RYR2: variants seen among roughly 807,000 people sequenced by gnomAD.
RYR2 encodes the protein ryanodine receptor 2, also known as cardiac muscle ryanodine receptor-calcium release channel.
Under a neutral mutation model 601.1 loss-of-function variants are expected in RYR2, and 227 were observed. The observed-to-expected ratio is 0.38, with a 90% confidence interval of 0.34 to 0.42. The LOEUF (loss-of-function observed/expected upper bound fraction) is 0.42, where lower values mean the gene tolerates loss of function less well. Ranked by LOEUF, RYR2 falls within the 10% of genes least tolerant of loss-of-function variation. The pLI is 1.00. For missense variants in RYR2, 4,646 were observed against 6,156.5 expected (o/e 0.75, Z 8.21); for synonymous variants, 2,223 against 2,175.1 (o/e 1.02, Z -0.61).
At chr1:237,066,734 C>T (rs527530604) in intron 1 of RYR2, among the ~76,000 whole-genome samples, 4 of 151,946 alleles carry the variant, frequency 2.6e-5, no homozygotes, top group Non-Finnish European at 4.4e-5. Context: ...CTCCACCTCC[C>T]GGGTTCATGC....
At chr1:237,043,447 C>T (rs1183873634) in intron 1 of RYR2, among the ~76,000 whole-genome samples, 2 of 152,174 alleles carry the variant, frequency 1.3e-5, no homozygotes, top group Admixed American at 1.3e-4. Flanking sequence ...CACACTAATA[C>T]AATTCTTTCT....
chr1:237,623,534 C>A (rs1679321837), intron 38 of RYR2, among the ~76,000 whole-genome samples: 1 of 151,678 alleles, frequency 6.6e-6, no homozygotes. Context: ...GCTGGGACTA[C>A]AGGCATGCAC....
At chr1:237,477,114 C>T (rs1349370346) in intron 17 of RYR2, among the ~76,000 whole-genome samples, 9 of 152,100 alleles carry the variant, frequency 5.9e-5, no homozygotes, top group African/African-American at 1.2e-4. Context: ...CAAAATCAGC[C>T]GGGTGTGGTG....
chr1:237,372,092 C>A (rs1339930981), intron 6 of RYR2, among the ~76,000 whole-genome samples: 1 of 152,094 alleles, frequency 6.6e-6, no homozygotes, highest in African/African-American at 2.4e-5. Flanking sequence ...CCAACAAGGG[C>A]ACACAAATTT....
chr1:237,827,212 T>C (rs1442485336), intron 101 of RYR2, among the ~76,000 whole-genome samples: 1 of 152,182 alleles, frequency 6.6e-6, no homozygotes, highest in Non-Finnish European at 1.5e-5. Context: ...GGCAAAGTTA[T>C]AACTTCGAAG....
intron 1 of RYR2, among the ~76,000 whole-genome samples, chr1:237,264,684 T>A (rs111950100): frequency 0.036 from 5,207 of 144,816 alleles, 281 homozygotes; most frequent in African/African-American, 0.12. Flanking sequence ...CAGTTTATTT[T>A]TTATTATTAT....
intron 1 of RYR2, among the ~76,000 whole-genome samples, chr1:237,125,123 G>C (rs756334242): frequency 7.4e-4 from 112 of 152,172 alleles, no homozygotes; most frequent in Non-Finnish European, 1.3e-3. Flanking sequence ...TTGCCAGAAA[G>C]AGGGTAACAA....
At chr1:237,236,107 A>T (rs1685526358) in intron 1 of RYR2, among the ~76,000 whole-genome samples, 1 of 152,134 alleles carries the variant, frequency 6.6e-6, no homozygotes, top group South Asian at 2.1e-4. Context: ...ATACCAAAAA[A>T]CCTCACTTAC....
rs1188617201 is a variant in RYR2, at chr1:237,444,884, G to T, written c.1171-517G>T. ...TAAGCATTGTTCAGTGCTTATTATT[G>T]ACCAGTCTATGTTCAGAACTACTGT... On this transcript the variant is annotated intron_variant, in intron 13 of 104. Transcript: ENST00000366574. 2.0e-5 allele frequency among the ~76,000 whole-genome samples: 3 copies of T among 152,100 alleles called. No homozygotes were observed. The East Asian group carries it at 5.8e-4, about 29-fold the overall frequency.
intron 27 of RYR2, among the ~76,000 whole-genome samples, chr1:237,562,134 T>C (rs1218393720): frequency 6.6e-6 from 1 of 152,212 alleles, no homozygotes; most frequent in Non-Finnish European, 1.5e-5. Context: ...AAACATGAAC[T>C]CTGTATTTGA....
At chr1:237,484,663 C>G (rs187326931) in intron 17 of RYR2, among the ~76,000 whole-genome samples, 1 of 152,316 alleles carries the variant, frequency 6.6e-6, no homozygotes, top group Non-Finnish European at 1.5e-5. Context: ...TTTGTTCAAC[C>G]TCAGACAGCC....
chr1:237,806,609 A>G (rs1480462699), intron 99 of RYR2, among the ~76,000 whole-genome samples: 1 of 152,206 alleles, frequency 6.6e-6, no homozygotes, highest in Non-Finnish European at 1.5e-5. Flanking sequence ...CTTAGTTATT[A>G]TTTTGTTCCT....
At chr1:237,089,832 T>C (rs1042497625) in intron 1 of RYR2, among the ~76,000 whole-genome samples, 9 of 152,150 alleles carry the variant, frequency 5.9e-5, no homozygotes, top group Non-Finnish European at 1.3e-4. Context: ...TATTCTTAGA[T>C]AGTCTGCAGA....
intron 70 of RYR2, among the ~76,000 whole-genome samples, chr1:237,709,832 T>C (rs1225297652): frequency 6.6e-6 from 1 of 152,244 alleles, no homozygotes; most frequent in African/African-American, 2.4e-5. Flanking sequence ...TTTTACTATC[T>C]AGCTTTCCCT....
chr1:237,382,837 T>C (rs1701647533), intron 8 of RYR2, among the ~76,000 whole-genome samples: 1 of 152,088 alleles, frequency 6.6e-6, no homozygotes, highest in South Asian at 2.1e-4. Flanking sequence ...CTTTCTTTCC[T>C]CTGTGGCTCA....
At chr1:237,763,341 G>A (rs957038277) in intron 84 of RYR2, among the ~76,000 whole-genome samples, 18 of 152,126 alleles carry the variant, frequency 1.2e-4, no homozygotes, top group African/African-American at 2.2e-4. Context: ...ATTGGTGCAC[G>A]GGAAATCGGT....
At chr1:237,377,557 C>G (rs1026525914) in intron 8 of RYR2, 122 bp downstream of exon 8, 2 of 662,276 alleles carry the variant, frequency 3.0e-6, no homozygotes, top group Non-Finnish European at 5.1e-6. Flanking sequence ...ATTCCTCTAT[C>G]TCTATTAGAT....
At chr1:237,123,769 G>A (rs1021829466) in intron 1 of RYR2, among the ~76,000 whole-genome samples, 4 of 142,976 alleles carry the variant, frequency 2.8e-5, no homozygotes, top group Non-Finnish European at 6.0e-5. Flanking sequence ...CCGGGTTCAC[G>A]CCATTCTCCT....
intron 84 of RYR2, among the ~76,000 whole-genome samples, chr1:237,764,575 A>C (rs973674475): frequency 6.6e-6 from 1 of 151,762 alleles, no homozygotes; most frequent in Non-Finnish European, 1.5e-5. Flanking sequence ...CAGCCTCTCA[A>C]GTAGCTGGGA....
Sources: allele counts gnomAD v4.1 joint callset (sites outside exome capture counted in the v4.1 genomes callset), GRCh38; gene constraint gnomAD v4.1.1; transcripts MANE v1.5; gene names NCBI Gene and HGNC (gene_info 2026-07-23, HGNC 2026-07-21).